The following ABCC9 variants were observed in gnomAD, a reference collection of about 807,000 sequenced individuals.
ABCC9 encodes ATP binding cassette subfamily C member 9, also known as ATP-binding cassette sub-family C member 9.
In ABCC9, 95 loss-of-function variants were observed where a neutral mutation model predicts 188.3. The ratio of observed to expected loss-of-function variants is 0.50; its 90% CI spans 0.43 to 0.60. ABCC9 has a LOEUF of 0.60. Ranked by LOEUF, ABCC9 falls within the 20% of genes least tolerant of loss-of-function variation. ABCC9 has a pLI of 0.00. For missense variants in ABCC9, 1,102 were observed against 1,876.3 expected, an observed-to-expected ratio of 0.59 and a Z score of 7.62; for synonymous variants, 659 against 652.7, an observed-to-expected ratio of 1.01 and a Z score of -0.15.
At chr12:21,899,391 G>A (rs2137779591) in intron 12 of ABCC9, among the ~76,000 whole-genome samples, 1 of 152,310 alleles carries the variant, frequency 6.6e-6, no homozygotes, top group African/African-American at 2.4e-5. Flanking sequence ...GAACGATGCA[G>A]AAGACGGGTG....
Position 21,912,861 on chromosome 12 carries a change from C to G in ABCC9, c.1011+11G>C, listed in dbSNP as rs765431018. 1 of 1,611,774 alleles carries G rather than the reference C, an allele frequency of 6.2e-7. No individual in the cohort carries two copies. The highest frequency in any genetic ancestry group is 8.5e-7 in the Non-Finnish European group (1 of 1,178,356). On this transcript the variant is annotated intron_variant, in intron 8 of 39. Transcript: ENST00000261200. ...ATAATATGTTTCCATTGAAAATCAC[C>G]AGGAACTTACTCCAGTTGTGTTATT...
At chr12:21,895,180 A>AG in intron 13 of ABCC9, 95 bp downstream of exon 13, 1 of 1,066,576 alleles carries the variant, frequency 9.4e-7, no homozygotes, top group East Asian at 2.4e-5. Flanking sequence ...CACAGAGGTG[A>AG]GGTAATATAT....
At chr12:21,887,780 G>T in intron 15 of ABCC9, 46 bp downstream of exon 15, 1 of 1,186,016 alleles carries the variant, frequency 8.4e-7, no homozygotes, top group South Asian at 1.2e-5. Context: ...ATTCTGCTGA[G>T]ACTGTCCTCT....
intron 31 of ABCC9, among the ~76,000 whole-genome samples, chr12:21,823,122 CAG>C (rs904151974): frequency 2.3e-4 from 35 of 152,242 alleles, no homozygotes; most frequent in African/African-American, 8.4e-4. Context: ...ACTTAGGAAA[CAG>C]AAGTTACAAC....
At position 21,838,001 on chromosome 12, in the gene ABCC9, T is replaced by A. The variant is rs893295331; in HGVS notation, c.3566+77A>T. 14 of 1,176,118 alleles carry A rather than the reference T, an allele frequency of 1.2e-5. No individual in the cohort carries two copies. The African/African-American group carries it at 2.0e-4, about 16-fold the overall frequency. 72.9% of individuals were successfully genotyped at this position (1,176,118 alleles called of 1,614,324 possible). ...GGGAGATCAAACAAAATGAAAGCAA[T>A]GATCAGTTATTTGTAGAAAAATATT... On this transcript the variant is annotated intron_variant, in intron 30 of 39. Coordinates refer to ENST00000261200, the MANE Select transcript of ABCC9 (RefSeq NM_020297.4).
chr12:21,922,842 A>G (rs572629277), intron 5 of ABCC9: 13 of 148,748 alleles, frequency 8.7e-5, no homozygotes, highest in Middle Eastern at 3.4e-3. Flanking sequence ...CAAACTTCGG[A>G]GGAAAACAAA....
In ABCC9 at chr12:21,859,673, A is replaced by G; in HGVS notation, c.2425-7T>C. The G allele has an allele frequency of 6.2e-7, 1 of 1,613,184 alleles. No homozygotes were observed. Among genetic ancestry groups the G allele is most frequent in the Non-Finnish European group, 8.5e-7 (1 of 1,179,236 alleles). On this transcript the variant is annotated splice_region_variant and splice_polypyrimidine_tract_variant and intron_variant, in intron 21 of 39. Transcript: ENST00000261200. Reference sequence around the variant, plus strand: ...CCCCACTCAGGTTGATGCCCTAGAGAAGAGACACCCCCAAATACCCATTTT... The same window carrying G: ...CCCCACTCAGGTTGATGCCCTAGAGGAGAGACACCCCCAAATACCCATTTT...
Position 21,827,456 on chromosome 12 carries a change from G to A in ABCC9, c.3669+1502C>T, listed in dbSNP as rs375436966. On this transcript the variant is annotated intron_variant, in intron 31 of 39. Transcript: ENST00000261200. The stretch of plus-strand genomic sequence containing the variant: ...GCTAACATTTCTCCCTTATGATTTC[G>A]GGACATTCTTTCAGTAAGCTATTTC... 6.8e-5 allele frequency: 18 copies of A among 264,420 alleles called. No homozygotes were observed. In the South Asian group the frequency reaches 1.9e-3, roughly 27 times the overall value. The allele number at this position is 264,420 out of a possible 1,614,324, so 16.4% of individuals were successfully genotyped here. A position where few individuals can be genotyped will look rare whatever the true frequency, so the allele number is the denominator to read the frequency against.
intron 7 of ABCC9, among the ~76,000 whole-genome samples, chr12:21,915,382 A>G (rs1948529323): frequency 7.2e-6 from 1 of 139,070 alleles, no homozygotes; most frequent in Admixed American, 7.4e-5. Context: ...GTGTATATAT[A>G]GACATGTGTA....
rs1432190445 is a variant in ABCC9 at position 21,798,164 on chromosome 12, CTTTAG to C, written c.*2875_*2879del. The C allele has an allele frequency of 6.6e-6, 1 of 152,134 alleles. No homozygotes were observed. The highest frequency in any genetic ancestry group is 1.5e-5 in the Non-Finnish European group (1 of 68,030). 9.4% of individuals were successfully genotyped at this position (152,134 alleles called of 1,614,324 possible). On this transcript the variant is annotated 3_prime_UTR_variant, in exon 40 of 40. Transcript: ENST00000261200. ...TGGCTGTAAGAATGGTGAATGTGAT[CTTTAG>C]TTTAGTGTAACTAGATAGGCTTCTA...
At chr12:21,818,524 ATATG>A (rs759971894) in intron 31 of ABCC9, among the ~76,000 whole-genome samples, 43 of 125,048 alleles carry the variant, frequency 3.4e-4, no homozygotes, top group Middle Eastern at 7.7e-3. Context: ...AGATATATAT[ATATG>A]TGTGTGTGTG....
At chr12:21,817,109 A>C (rs1362513577) in intron 33 of ABCC9, 78 bp downstream of exon 33, 2 of 1,520,426 alleles carry the variant, frequency 1.3e-6, no homozygotes, top group Non-Finnish European at 1.8e-6. Flanking sequence ...AAAAGCAGAA[A>C]CAACAATGTG....
At chr12:21,915,190 C>T (rs1310815544) in intron 7 of ABCC9, among the ~76,000 whole-genome samples, 2 of 148,680 alleles carry the variant, frequency 1.3e-5, no homozygotes, top group Non-Finnish European at 3.0e-5. Flanking sequence ...CATGAGCCAT[C>T]GTGCCTGGCC....
intron 39 of ABCC9, chr12:21,805,167 T>A: frequency 1.2e-6 from 2 of 1,614,014 alleles, no homozygotes; most frequent in Non-Finnish European, 1.7e-6. Flanking sequence ...CAATAGATCA[T>A]GATGGTCTAC....
At chr12:21,828,544 C>CA in intron 31 of ABCC9, 1 of 267,748 alleles carries the variant, frequency 3.7e-6, no homozygotes, top group Non-Finnish European at 7.4e-6. Context: ...TAGTTTTCTA[C>CA]ATTTTGCACT....
chr12:21,889,482 C>T (rs1025504959), intron 14 of ABCC9, among the ~76,000 whole-genome samples: 1 of 152,152 alleles, frequency 6.6e-6, no homozygotes, highest in Non-Finnish European at 1.5e-5. Context: ...TAAACAATCT[C>T]ACACTATGTC....
chr12:21,871,208 A>G (rs704202), intron 18 of ABCC9, among the ~76,000 whole-genome samples: 150,967 of 152,296 alleles, frequency 0.99, 74,834 homozygotes, highest in Middle Eastern at 1. Flanking sequence ...TAGAAGTGAC[A>G]GTGGCTAGGG....
intron 17 of ABCC9, among the ~76,000 whole-genome samples, chr12:21,875,230 C>T (rs829066): frequency 0.33 from 48,115 of 148,032 alleles, 7,842 homozygotes; most frequent in East Asian, 0.48. Flanking sequence ...GGATCAATTA[C>T]ACTTCAATAA....
chr12:21,845,814 T>A lies in ABCC9; in HGVS notation c.2885A>T (p.Asp962Val). 1 of 1,613,486 alleles carries A rather than the reference T, an allele frequency of 6.2e-7. No homozygotes were observed. Among genetic ancestry groups the A allele is most frequent in the Non-Finnish European group, 8.5e-7 (1 of 1,179,786 alleles). The part of the protein sequence containing the change: ...DEDEEEEEEE[D>V]EDDNMSTVMR... ...TACAGTGGACATGTTATCATCCTCA[T>A]CTTCCTCCTCTTCTTCCTCTACATA... The change falls in exon 26 of 40, where the codon GAT becomes GTT. Residue 962 changes from aspartate to valine, a missense_variant. By Grantham distance (152) the Asp-to-Val change is radical. Transcript: ENST00000261200.
Sources: allele counts gnomAD v4.1 joint callset (sites outside exome capture counted in the v4.1 genomes callset), GRCh38; gene constraint gnomAD v4.1.1; transcripts MANE v1.5; gene names NCBI Gene and HGNC (gene_info 2026-07-23, HGNC 2026-07-21).